Variants in HS6ST3 observed in about 807,000 individuals in gnomAD.
The protein encoded by HS6ST3 is heparan sulfate 6-O-sulfotransferase 3.
HS6ST3 carries 12 observed loss-of-function variants against 36.7 expected under a neutral mutation model. The ratio of observed to expected loss-of-function variants is 0.33; its 90% CI spans 0.21 to 0.53. The LOEUF is 0.53. Ranked by LOEUF, HS6ST3 falls within the 20% of genes least tolerant of loss-of-function variation. HS6ST3 has a pLI of 0.95. For synonymous variants in HS6ST3, 240 were observed against 257.5 expected, an observed-to-expected ratio of 0.93 and a Z score of 0.65; for missense variants, 584 against 640.9, an observed-to-expected ratio of 0.91 and a Z score of 0.96.
At chr13:96,589,741 C>T (rs1302644310) in intron 1 of HS6ST3, among the ~76,000 whole-genome samples, 1 of 152,060 alleles carries the variant, frequency 6.6e-6, no homozygotes, top group Non-Finnish European at 1.5e-5. Context: ...TTACTTTGGA[C>T]TATAGTCACC....
chr13:96,666,754 TTATAA>T (rs768925595), intron 1 of HS6ST3, among the ~76,000 whole-genome samples: 15 of 152,144 alleles, frequency 9.9e-5, no homozygotes, highest in Non-Finnish European at 1.6e-4. Context: ...TTTTACTTCT[TTATAA>T]AATAGTTATA....
intron 1 of HS6ST3, among the ~76,000 whole-genome samples, chr13:96,312,306 A>G (rs1282323150): frequency 6.6e-6 from 1 of 152,208 alleles, no homozygotes; most frequent in East Asian, 1.9e-4. Context: ...AGTTATTTAT[A>G]TATTAGAAAA....
intron 1 of HS6ST3, among the ~76,000 whole-genome samples, chr13:96,409,655 A>G (rs2055497292): frequency 6.6e-6 from 1 of 152,218 alleles, no homozygotes; most frequent in Non-Finnish European, 1.5e-5. Flanking sequence ...GAGTGCTTCT[A>G]ACTTTCCATA....
intron 1 of HS6ST3, among the ~76,000 whole-genome samples, chr13:96,659,119 C>G (rs879020687): frequency 1.3e-5 from 2 of 152,182 alleles, no homozygotes; most frequent in Admixed American, 1.3e-4. Flanking sequence ...GTTGATGCAG[C>G]AGTTTATTCT....
At chr13:96,431,255 CAAAT>C (rs1178119014) in intron 1 of HS6ST3, among the ~76,000 whole-genome samples, 2 of 139,698 alleles carry the variant, frequency 1.4e-5, no homozygotes, top group Non-Finnish European at 3.1e-5. Context: ...ACAACAACAA[CAAAT>C]AAACCAAAAC....
chr13:96,587,890 G>A (rs925748380), intron 1 of HS6ST3, among the ~76,000 whole-genome samples: 1 of 152,128 alleles, frequency 6.6e-6, no homozygotes, highest in Non-Finnish European at 1.5e-5. Context: ...ATGAACACAG[G>A]ATATCGTTTC....
chr13:96,356,712 G>T (rs1295269624), intron 1 of HS6ST3, among the ~76,000 whole-genome samples: 1 of 152,098 alleles, frequency 6.6e-6, no homozygotes, highest in Non-Finnish European at 1.5e-5. Flanking sequence ...ATTCTTCAGA[G>T]CCCTAGTATT....
chr13:96,211,053 CCCAAGAAACTGGGATTATAG>C (rs1166930829), intron 1 of HS6ST3, among the ~76,000 whole-genome samples: 1 of 151,630 alleles, frequency 6.6e-6, no homozygotes, highest in Admixed American at 6.6e-5. Flanking sequence ...GCCTCAGCCT[CCCAAGAAACTGGGATTATAG>C]GCATGTGCCA....
intron 1 of HS6ST3, among the ~76,000 whole-genome samples, chr13:96,195,479 A>C (rs747654581): frequency 6.6e-6 from 1 of 152,176 alleles, no homozygotes; most frequent in Non-Finnish European, 1.5e-5. Flanking sequence ...ACAGCCCTAC[A>C]TATCTTCAAG....
At chr13:96,373,304 C>G (rs993211362) in intron 1 of HS6ST3, among the ~76,000 whole-genome samples, 1 of 152,116 alleles carries the variant, frequency 6.6e-6, no homozygotes, top group Non-Finnish European at 1.5e-5. Context: ...TTGAGGGCCA[C>G]CATTCAACTT....
chr13:96,093,013 G>A (rs752609209), intron 1 of HS6ST3, among the ~76,000 whole-genome samples: 5 of 152,084 alleles, frequency 3.3e-5, no homozygotes, highest in Non-Finnish European at 7.4e-5. Context: ...TTTCAATTAA[G>A]TATTACTTCC....
At chr13:96,768,475 GT>G (rs1010790283) in intron 1 of HS6ST3, among the ~76,000 whole-genome samples, 6 of 152,044 alleles carry the variant, frequency 3.9e-5, no homozygotes, top group African/African-American at 7.2e-5. Flanking sequence ...TCTTATCTAG[GT>G]TTTTCTTCCT....
At chr13:96,292,838 T>C (rs2054836763) in intron 1 of HS6ST3, among the ~76,000 whole-genome samples, 1 of 152,120 alleles carries the variant, frequency 6.6e-6, no homozygotes, top group African/African-American at 2.4e-5. Context: ...CAATTTCACA[T>C]TTTACAGTGA....
intron 1 of HS6ST3, among the ~76,000 whole-genome samples, chr13:96,192,918 A>C (rs7985299): frequency 0.51 from 77,088 of 151,880 alleles, 19,767 homozygotes; most frequent in African/African-American, 0.58. Context: ...TTGAAGGAAA[A>C]AGTTTTTCTG....
At chr13:96,692,350 G>T (rs1191502884) in intron 1 of HS6ST3, among the ~76,000 whole-genome samples, 2 of 152,058 alleles carry the variant, frequency 1.3e-5, no homozygotes, top group African/African-American at 4.8e-5. Flanking sequence ...TATGTAAATA[G>T]TTGTTATAAC....
intron 1 of HS6ST3, among the ~76,000 whole-genome samples, chr13:96,737,627 G>T (rs1192509278): frequency 5.3e-4 from 35 of 66,324 alleles, no homozygotes; most frequent in Non-Finnish European, 7.7e-4. Flanking sequence ...GCGAGACTCC[G>T]TCTCAAAAAA....
chr13:96,566,012 A>C (rs938980984), intron 1 of HS6ST3, among the ~76,000 whole-genome samples: 1 of 152,158 alleles, frequency 6.6e-6, no homozygotes, highest in Non-Finnish European at 1.5e-5. Flanking sequence ...ATTCTCATAG[A>C]GATAAAGTAT....
At chr13:96,649,243 C>G (rs1309875527) in intron 1 of HS6ST3, among the ~76,000 whole-genome samples, 2 of 151,978 alleles carry the variant, frequency 1.3e-5, no homozygotes, top group Non-Finnish European at 2.9e-5. Context: ...CTCAGGAAAC[C>G]TACAATCATG....
intron 1 of HS6ST3, among the ~76,000 whole-genome samples, chr13:96,241,789 T>TC (rs1478170579): frequency 6.1e-5 from 9 of 147,460 alleles, no homozygotes; most frequent in Admixed American, 4.0e-4. Context: ...TTTCTTTCTT[T>TC]TTTTTTTTTT....
Sources: gnomAD v4.1 joint callset for allele counts (sites outside exome capture counted in the v4.1 genomes callset) on GRCh38, gnomAD v4.1.1 for gene constraint, MANE v1.5 for transcripts, NCBI Gene and HGNC (gene_info 2026-07-23, HGNC 2026-07-21) for gene names.